The following ARL13B variants were observed in gnomAD, a reference collection of about 807,000 sequenced individuals.
The protein encoded by ARL13B is ARF like GTPase 13B, also known as ADP-ribosylation factor-like protein 13B.
A neutral mutation model predicts 56.1 loss-of-function variants in ARL13B; 36 were observed. That is an observed-to-expected ratio of 0.64 (90% CI 0.49 to 0.85). The LOEUF (loss-of-function observed/expected upper bound fraction) is 0.85. ARL13B is among the 40% of genes least tolerant of loss of function. The pLI is 0.00. For synonymous variants in ARL13B, 178 were observed against 171.1 expected, an observed-to-expected ratio of 1.04 and a Z score of -0.32; for missense variants, 519 against 507.1, an observed-to-expected ratio of 1.02 and a Z score of -0.23.
chr3:94,055,466 T>A lies in ARL13B; in HGVS notation c.*2203T>A, dbSNP rs557890470. On this transcript the variant is annotated 3_prime_UTR_variant, in exon 10 of 10. Coordinates refer to ENST00000394222, the MANE Select transcript of ARL13B (RefSeq NM_001174150.2). Reference sequence around the variant, plus strand: ...AGTTTTTATGTATGTGGGAAAGAATTTGTGATTTTAAATGCAGCTACAAAT... The same window carrying A: ...AGTTTTTATGTATGTGGGAAAGAATATGTGATTTTAAATGCAGCTACAAAT... The A allele has an allele frequency of 1.7e-4, 79 of 453,746 alleles. No homozygotes were observed. The highest frequency in any genetic ancestry group is 1.6e-3 in the African/African-American group (78 of 50,104). The allele number at this position is 453,746 out of a possible 1,614,324, so 28.1% of individuals were successfully genotyped here.
chr3:94,048,894 G>A (rs2077024232), intron 7 of ARL13B, among the ~76,000 whole-genome samples: 1 of 152,088 alleles, frequency 6.6e-6, no homozygotes, highest in African/African-American at 2.4e-5. Flanking sequence ...GCCATGCATA[G>A]CCTTGTAGGG....
At position 93,995,321 on chromosome 3, in the gene ARL13B, G is replaced by GT. The variant is rs146246883; in HGVS notation, c.60-543dup. ...TCTTCAGTTTTTAAGTTGACTAGGT[G>GT]TTTTTTTTTTCCCCCTGTGGAGTTT... On this transcript the variant is annotated intron_variant, in intron 1 of 9. Coordinates refer to ENST00000394222, the MANE Select transcript of ARL13B (RefSeq NM_001174150.2). 4.6e-4 allele frequency among the ~76,000 whole-genome samples: 68 copies of GT among 147,974 alleles called. 1 individual carries two copies. In the East Asian group the frequency reaches 5.9e-3, roughly 13 times the overall value.
chr3:94,041,178 A>G (rs1388838695), intron 6 of ARL13B, among the ~76,000 whole-genome samples: 2 of 150,832 alleles, frequency 1.3e-5, no homozygotes, highest in Admixed American at 1.3e-4. Flanking sequence ...TTTTTTTATT[A>G]TTACTGCAGA....
intron 6 of ARL13B, 78 bp from the exon 7 acceptor site, chr3:94,042,937 G>A: frequency 8.6e-7 from 1 of 1,168,732 alleles, no homozygotes; most frequent in Middle Eastern, 2.8e-4. Flanking sequence ...TCCTGTTAAG[G>A]TATTTGATTT....
rs775376341 is a variant in ARL13B at position 94,055,167 on chromosome 3, T to G, written c.*1904T>G. 23 of 367,688 alleles carry G rather than the reference T, an allele frequency of 6.3e-5. No individual in the cohort carries two copies. The highest frequency in any genetic ancestry group is 4.9e-4 in the South Asian group (23 of 46,812). 22.8% of individuals were successfully genotyped at this position (367,688 alleles called of 1,614,324 possible). On this transcript the variant is annotated 3_prime_UTR_variant, in exon 10 of 10. Transcript: ENST00000394222. ...ATTTTAAAAACATTTTAAAAAATGT[T>G]TTGTAAATCCAGGTGTATTTTAACA...
intron 3 of ARL13B, among the ~76,000 whole-genome samples, chr3:94,022,119 TTTA>T (rs1323528694): frequency 2.0e-5 from 3 of 151,966 alleles, no homozygotes; most frequent in Non-Finnish European, 4.4e-5. Context: ...CTTCTTCAGT[TTTA>T]TTTTATTTTA....
intron 1 of ARL13B, chr3:93,988,787 T>G (rs571980335): frequency 2.8e-3 from 125 of 43,890 alleles, no homozygotes; most frequent in African/African-American, 5.4e-3. Flanking sequence ...TTTGTTTGCA[T>G]TTTTTTTTTT....
intron 3 of ARL13B, among the ~76,000 whole-genome samples, chr3:94,008,909 T>C (rs2076176525): frequency 6.6e-6 from 1 of 152,142 alleles, no homozygotes; most frequent in East Asian, 1.9e-4. Context: ...CTTCACAAAT[T>C]GAATGATTAC....
At chr3:93,988,356 G>A (rs1382413086) in intron 1 of ARL13B, among the ~76,000 whole-genome samples, 1 of 151,946 alleles carries the variant, frequency 6.6e-6, no homozygotes, top group Non-Finnish European at 1.5e-5. Flanking sequence ...TAAAAACTAA[G>A]CCCCCATCTG....
At chr3:93,984,193 T>C (rs1462763548) in intron 1 of ARL13B, among the ~76,000 whole-genome samples, 2 of 152,006 alleles carry the variant, frequency 1.3e-5, no homozygotes, top group African/African-American at 4.8e-5. Context: ...CTGTCTCTAC[T>C]AAAAATACAG....
intron 1 of ARL13B, among the ~76,000 whole-genome samples, chr3:93,989,889 C>T (rs1485773432): frequency 1.3e-5 from 2 of 152,150 alleles, no homozygotes; most frequent in African/African-American, 4.8e-5. Context: ...TTCTAGTAAT[C>T]AAAGACCCAG....
chr3:94,046,371 TTA>T, intron 7 of ARL13B, among the ~76,000 whole-genome samples: 1 of 142,418 alleles, frequency 7.0e-6, no homozygotes, highest in Non-Finnish European at 1.5e-5. Context: ...AAATATTCCT[TTA>T]TATTTATATA....
At chr3:94,026,757 T>C (rs2076566704) in intron 3 of ARL13B, among the ~76,000 whole-genome samples, 2 of 152,194 alleles carry the variant, frequency 1.3e-5, no homozygotes, top group African/African-American at 2.4e-5. Flanking sequence ...GGAAGAGTTA[T>C]ATACAAATAT....
Position 93,990,783 on chromosome 3 carries a change from C to T in ARL13B, c.60-5091C>T, listed in dbSNP as rs112910353. ...GCTCTTAACCCCTTGTTTATCAACT[C>T]ATAATGTGATTGGTATTTTCTCGTG... On this transcript the variant is annotated intron_variant, in intron 1 of 9. Coordinates refer to ENST00000394222, the MANE Select transcript of ARL13B (RefSeq NM_001174150.2). Among the ~76,000 whole-genome samples the T allele has an allele frequency of 2.6e-5, 4 of 152,304 alleles. No individual in the cohort carries two copies. The South Asian group carries it at 8.3e-4, about 32-fold the overall frequency.
At chr3:94,045,123 A>T (rs2076958237) in intron 7 of ARL13B, among the ~76,000 whole-genome samples, 1 of 152,202 alleles carries the variant, frequency 6.6e-6, no homozygotes, top group Non-Finnish European at 1.5e-5. Flanking sequence ...CTGCCTTGGG[A>T]TGCTGTTAAT....
At position 94,035,349 on chromosome 3, in the gene ARL13B, TAAA is replaced by T. The variant is rs1560002985; in HGVS notation, c.400_402del (p.Lys134del). 3 of 1,610,730 alleles carry T rather than the reference TAAA, an allele frequency of 1.9e-6. No individual in the cohort carries two copies. The highest frequency in any genetic ancestry group is 1.3e-5 in the African/African-American group (1 of 74,720). ...CTTTCAGGTTGGCAAATAAACAAGA[TAAA>T]GAAGGAGCTTTAGGAGAAGCTGATG... On this transcript the variant is annotated inframe_deletion, in exon 4 of 10. Transcript: ENST00000394222.
At chr3:94,043,804 C>T (rs923487821) in intron 7 of ARL13B, among the ~76,000 whole-genome samples, 1 of 145,866 alleles carries the variant, frequency 6.9e-6, no homozygotes. Flanking sequence ...ATTCCAGGCA[C>T]GCGCCGCCAC....
chr3:94,016,342 G>C (rs2076333204), intron 3 of ARL13B, among the ~76,000 whole-genome samples: 1 of 152,138 alleles, frequency 6.6e-6, no homozygotes, highest in South Asian at 2.1e-4. Flanking sequence ...GTAGGACTCA[G>C]TGTTTGATAT....
rs139051789 is a variant in ARL13B, at chr3:94,025,264, T to C, written c.381-10067T>C. Among the ~76,000 whole-genome samples the C allele has an allele frequency of 1.8e-3, 272 of 151,608 alleles. 1 individual carries two copies. Among genetic ancestry groups the C allele is most frequent in the Middle Eastern group, 6.8e-3 (2 of 294 alleles). ...GAATTTACAAGCAAAAAACAAAATA[T>C]CCTTTTTTTAATATCTGTATACATT... On this transcript the variant is annotated intron_variant, in intron 3 of 9. Coordinates refer to ENST00000394222, the MANE Select transcript of ARL13B (RefSeq NM_001174150.2).
Sources: allele counts gnomAD v4.1 joint callset (sites outside exome capture counted in the v4.1 genomes callset), GRCh38; gene constraint gnomAD v4.1.1; transcripts MANE v1.5; gene names NCBI Gene and HGNC (gene_info 2026-07-23, HGNC 2026-07-21).